ST6GALNAC3: variants seen among roughly 807,000 people sequenced by gnomAD.
ST6GALNAC3 encodes the protein alpha-N-acetylgalactosaminide alpha-2,6-sialyltransferase 3.
ST6GALNAC3 carries 25 observed loss-of-function variants against 32.7 expected under a neutral mutation model. The ratio of observed to expected loss-of-function variants is 0.76; its 90% CI spans 0.56 to 1.07. The LOEUF (loss-of-function observed/expected upper bound fraction) is 1.07. ST6GALNAC3 is among the 50% of genes least tolerant of loss of function. ST6GALNAC3 has a pLI of 0.00. For missense variants in ST6GALNAC3, 355 were observed against 382.4 expected (o/e 0.93, Z 0.60); for synonymous variants, 129 against 133.1 (o/e 0.97, Z 0.21).
At position 76,348,897 on chromosome 1, in the gene ST6GALNAC3, C is replaced by T. The variant is rs139702293; in HGVS notation, c.213+34898C>T. ...TAAGTGAGAGAACATACTTCATGCA[C>T]GTAGCAGAGTGCCTGGCTCATAGTA... On this transcript the variant is annotated intron_variant, in intron 2 of 4. Coordinates refer to ENST00000328299, the MANE Select transcript of ST6GALNAC3 (RefSeq NM_152996.4). 1.6e-3 allele frequency among the ~76,000 whole-genome samples: 246 copies of T among 152,228 alleles called. 1 individual carries two copies. The highest frequency in any genetic ancestry group is 5.7e-3 in the African/African-American group (235 of 41,538).
At chr1:76,233,869 A>G (rs945299158) in intron 1 of ST6GALNAC3, among the ~76,000 whole-genome samples, 1 of 152,200 alleles carries the variant, frequency 6.6e-6, no homozygotes, top group African/African-American at 2.4e-5. Flanking sequence ...TAAAGCACAG[A>G]TACATGTGCA....
intron 1 of ST6GALNAC3, among the ~76,000 whole-genome samples, chr1:76,091,015 C>G (rs996856278): frequency 6.6e-6 from 1 of 152,134 alleles, no homozygotes; most frequent in Non-Finnish European, 1.5e-5. Context: ...TGCAATTGCG[C>G]AGGCCGAATG....
At chr1:76,087,058 G>A (rs1646974487) in intron 1 of ST6GALNAC3, among the ~76,000 whole-genome samples, 3 of 152,110 alleles carry the variant, frequency 2.0e-5, no homozygotes, top group Admixed American at 1.3e-4. Flanking sequence ...CCTGGTTTAT[G>A]TTGCCTGATT....
chr1:76,332,061 A>T (rs777205735), intron 2 of ST6GALNAC3, among the ~76,000 whole-genome samples: 2 of 152,200 alleles, frequency 1.3e-5, no homozygotes, highest in Non-Finnish European at 2.9e-5. Flanking sequence ...TTGTACTCAC[A>T]ATTCTCCTTA....
chr1:76,303,547 C>T (rs1282224626), intron 1 of ST6GALNAC3, among the ~76,000 whole-genome samples: 1 of 152,046 alleles, frequency 6.6e-6, no homozygotes, highest in African/African-American at 2.4e-5. Flanking sequence ...AAGTACTTGG[C>T]ATAATGCCTG....
At chr1:76,206,931 A>G (rs1036337290) in intron 1 of ST6GALNAC3, among the ~76,000 whole-genome samples, 1 of 152,138 alleles carries the variant, frequency 6.6e-6, no homozygotes, top group Non-Finnish European at 1.5e-5. Context: ...ACAATATATC[A>G]TGGAGAGGTG....
At chr1:76,564,181 C>T (rs1407183159) in intron 3 of ST6GALNAC3, among the ~76,000 whole-genome samples, 1 of 152,192 alleles carries the variant, frequency 6.6e-6, no homozygotes, top group African/African-American at 2.4e-5. Context: ...TGAGATACAA[C>T]ACAAAGCAGG....
rs1378164637 is a variant in ST6GALNAC3 at position 76,629,713 on chromosome 1, TA to T, written c.*908del. On this transcript the variant is annotated 3_prime_UTR_variant, in exon 5 of 5. Coordinates refer to ENST00000328299, the MANE Select transcript of ST6GALNAC3 (RefSeq NM_152996.4). ...GCTTCAACATCCAACAACACAAAAC[TA>T]TATGATTTTTAAAATCATGAAATAG... The T allele has an allele frequency of 3.0e-6, 3 of 984,884 alleles. No individual in the cohort carries two copies. In the African/African-American group the frequency reaches 5.2e-5, roughly 17 times the overall value. 61.0% of individuals were successfully genotyped at this position (984,884 alleles called of 1,614,324 possible).
chr1:76,368,358 C>T (rs1172357600), intron 2 of ST6GALNAC3, among the ~76,000 whole-genome samples: 1 of 152,198 alleles, frequency 6.6e-6, no homozygotes, highest in Non-Finnish European at 1.5e-5. Flanking sequence ...CTAGCATATG[C>T]TGTTTCTGTT....
chr1:76,590,809 C>G (rs1647035983), intron 3 of ST6GALNAC3, among the ~76,000 whole-genome samples: 1 of 152,062 alleles, frequency 6.6e-6, no homozygotes, highest in African/African-American at 2.4e-5. Context: ...CTTAATTGTA[C>G]TTGTGTCCAT....
At chr1:76,252,729 A>G (rs1389732220) in intron 1 of ST6GALNAC3, among the ~76,000 whole-genome samples, 1 of 152,148 alleles carries the variant, frequency 6.6e-6, no homozygotes, top group African/African-American at 2.4e-5. Context: ...ACAGCTGAGA[A>G]ATGCTGTTAT....
intron 2 of ST6GALNAC3, among the ~76,000 whole-genome samples, chr1:76,320,954 G>C (rs1646954339): frequency 6.7e-6 from 1 of 149,710 alleles, no homozygotes; most frequent in South Asian, 2.1e-4. Flanking sequence ...GTGTAAAATG[G>C]TATATATATA....
rs1553189713 is a variant in ST6GALNAC3, at chr1:76,391,599, C to CCCATT, written c.214-20407_214-20406insATTCC. Among the ~76,000 whole-genome samples the CCCATT allele has an allele frequency of 4.7e-5, 7 of 147,974 alleles. No individual in the cohort carries two copies. In the East Asian group the frequency reaches 1.4e-3, roughly 30 times the overall value. On this transcript the variant is annotated intron_variant, in intron 2 of 4. Transcript: ENST00000328299. ...CCCACTTCCCTTTCACCTTCCCCTT[C>CCCATT]CCCTTCCCTTCCCTTCCTTTTCTTT...
intron 3 of ST6GALNAC3, among the ~76,000 whole-genome samples, chr1:76,566,954 G>T (rs1229285105): frequency 2.0e-5 from 3 of 152,000 alleles, no homozygotes; most frequent in Non-Finnish European, 4.4e-5. Flanking sequence ...GATTCACTTT[G>T]TCCCAGTGAA....
At chr1:76,078,866 T>C (rs1646852187) in intron 1 of ST6GALNAC3, among the ~76,000 whole-genome samples, 1 of 152,152 alleles carries the variant, frequency 6.6e-6, no homozygotes, top group Non-Finnish European at 1.5e-5. Context: ...CTGCAACCTC[T>C]GCCTCCTGGA....
chr1:76,130,431 T>G, intron 1 of ST6GALNAC3, among the ~76,000 whole-genome samples: 1 of 152,160 alleles, frequency 6.6e-6, no homozygotes, highest in East Asian at 1.9e-4. Context: ...CTCCATCAAC[T>G]CATTTTGCAG....
chr1:76,280,942 T>C (rs1157403241), intron 1 of ST6GALNAC3, among the ~76,000 whole-genome samples: 1 of 152,262 alleles, frequency 6.6e-6, no homozygotes, highest in African/African-American at 2.4e-5. Context: ...CATTTATTTA[T>C]CTGTCAAACA....
chr1:76,196,836 C>T (rs72674500), intron 1 of ST6GALNAC3, among the ~76,000 whole-genome samples: 4,229 of 152,206 alleles, frequency 0.028, 111 homozygotes, highest in African/African-American at 0.073. Context: ...TTCCTAGCTA[C>T]TCAACAAGCC....
In ST6GALNAC3 at chr1:76,091,163, A is replaced by G. The variant is rs578150390; in HGVS notation, c.18+16279A>G. On this transcript the variant is annotated intron_variant, in intron 1 of 4. Transcript: ENST00000328299. ...CCCCAGACCATATTCTGTTGTGACC[A>G]TGCTTCAGTGAGAATGTGTCACGTG... 2.6e-5 allele frequency among the ~76,000 whole-genome samples: 4 copies of G among 152,364 alleles called. No homozygotes were observed. In the East Asian group the frequency reaches 7.7e-4, roughly 29 times the overall value.
Sources: allele counts gnomAD v4.1 joint callset (sites outside exome capture counted in the v4.1 genomes callset), GRCh38; gene constraint gnomAD v4.1.1; transcripts MANE v1.5; gene names NCBI Gene and HGNC (gene_info 2026-07-23, HGNC 2026-07-21).